MED23: variants seen among roughly 807,000 people sequenced by gnomAD.
The protein encoded by MED23 is mediator complex subunit 23.
In MED23, 105 loss-of-function variants were observed where a neutral mutation model predicts 163.9. The ratio of observed to expected loss-of-function variants is 0.64; its 90% CI spans 0.55 to 0.75. The LOEUF is 0.75. Among genes scored for constraint, MED23 ranks in the 30% least tolerant of loss-of-function variants. The pLI, the probability that MED23 is intolerant of heterozygous loss-of-function variation, is 0.00. For synonymous variants in MED23, 561 were observed against 565.6 expected (o/e 0.99, Z 0.12); for missense variants, 1,054 against 1,649.0 (o/e 0.64, Z 6.25).
At chr6:131,576,102 T>G (rs1336672725) in intron 30 of MED23, among the ~76,000 whole-genome samples, 1 of 152,234 alleles carries the variant, frequency 6.6e-6, no homozygotes, top group Non-Finnish European at 1.5e-5. Context: ...AAGACTCAGC[T>G]TAAACAGCAT....
chr6:131,605,506 A>G (rs1775790506), intron 13 of MED23, 21 bp from the exon 14 acceptor site: 9 of 1,542,694 alleles, frequency 5.8e-6, no homozygotes, highest in Non-Finnish European at 7.8e-6. Flanking sequence ...ACGTTCCATT[A>G]AAAAGAAAAA....
chr6:131,610,435 G>GA (rs1772612469), intron 10 of MED23, among the ~76,000 whole-genome samples, 189 bp from the exon 11 acceptor site: 1 of 152,104 alleles, frequency 6.6e-6, no homozygotes, highest in Non-Finnish European at 1.5e-5. Flanking sequence ...TAAGCTTCAT[G>GA]AAAAAATGTT....
At chr6:131,582,202 G>A (rs181472754), downstream of MED23, among the ~76,000 whole-genome samples, 79 of 152,268 alleles carry the variant, frequency 5.2e-4, no homozygotes, top group African/African-American at 1.8e-3. Context: ...ACGTCCTGGA[G>A]GACAAAGCAG....
At chr6:131,608,179 T>C in intron 11 of MED23, 108 bp from the exon 12 acceptor site, 2 of 1,239,654 alleles carry the variant, frequency 1.6e-6, no homozygotes, top group Admixed American at 1.8e-5. Context: ...ACCTGGTTCT[T>C]GCTCTGAGAA....
intron 17 of MED23, among the ~76,000 whole-genome samples, chr6:131,600,720 A>G (rs367923977): frequency 6.6e-6 from 1 of 151,894 alleles, no homozygotes; most frequent in Non-Finnish European, 1.5e-5. Flanking sequence ...CAAAGATTCA[A>G]TGAGGTCAAA....
chr6:131,626,331 G>T (rs1361584813), intron 3 of MED23, among the ~76,000 whole-genome samples: 1 of 151,688 alleles, frequency 6.6e-6, no homozygotes, highest in African/African-American at 2.4e-5. Flanking sequence ...ATTAGAAAAA[G>T]TAAGAAGAAA....
rs555778082 is a variant in MED23 at position 131,577,445 on chromosome 6, G to T, written c.4096-3150C>A. ...ACATTCAAGTACAAGTCTTTGTGTG[G>T]ATATGTTTTCATTTCTCTTGGGTAA... On this transcript the variant is annotated intron_variant, in intron 30 of 30. Transcript: ENST00000354577. 5.9e-5 allele frequency among the ~76,000 whole-genome samples: 9 copies of T among 152,258 alleles called. No homozygotes were observed. The South Asian group carries it at 1.9e-3, about 32-fold the overall frequency.
At chr6:131,585,744 A>G (rs553324355), downstream of MED23, among the ~76,000 whole-genome samples, 2 of 152,356 alleles carry the variant, frequency 1.3e-5, no homozygotes, top group Admixed American at 1.3e-4. Flanking sequence ...TGATAAACAT[A>G]AAGGCATTTT....
chr6:131,628,181 A>T lies in MED23; in HGVS notation c.-132T>A. On this transcript the variant is annotated 5_prime_UTR_variant, in exon 1 of 29. Coordinates refer to ENST00000368068, the MANE Select transcript of MED23 (RefSeq NM_004830.4). ...GCTCCTCGGCGTCGCTTCCTCCCCC[A>T]GCGCTTTACCTGGAGCGTTCCCTCC... is the stretch of plus-strand genomic sequence containing the variant. 2.8e-6 allele frequency: 3 copies of T among 1,059,194 alleles called. No homozygotes were observed. Among genetic ancestry groups the T allele is most frequent in the Non-Finnish European group, 4.3e-6 (3 of 694,270 alleles). 65.6% of individuals were successfully genotyped at this position (1,059,194 alleles called of 1,614,324 possible).
chr6:131,591,663 T>C, intron 25 of MED23, 136 bp from the exon 26 acceptor site: 5 of 710,260 alleles, frequency 7.0e-6, no homozygotes, highest in Non-Finnish European at 1.2e-5. Context: ...TGGGTGGCTT[T>C]GTAACTGGTC....
chr6:131,628,313 T>C (rs1777673326), upstream of MED23: 10 of 521,402 alleles, frequency 1.9e-5, no homozygotes, highest in Admixed American at 2.2e-4. Context: ...GTTCCGTCTG[T>C]GGAGAAGGGC....
At chr6:131,596,247 G>C (rs940126197) in intron 21 of MED23, 84 bp from the exon 22 acceptor site, 2 of 1,275,414 alleles carry the variant, frequency 1.6e-6, no homozygotes, top group Non-Finnish European at 2.3e-6. Context: ...ACATTGTTTA[G>C]ATTTTTTTTT....
At chr6:131,593,277 A>T (rs1158494244) in intron 23 of MED23, 106 bp from the exon 24 acceptor site, 1 of 1,360,856 alleles carries the variant, frequency 7.3e-7, no homozygotes, top group East Asian at 2.3e-5. Flanking sequence ...AGAGATTAAG[A>T]GGCAAATGCA....
chr6:131,575,888 CTTTG>C (rs66799332), intron 30 of MED23, among the ~76,000 whole-genome samples: 14,755 of 152,158 alleles, frequency 0.097, 929 homozygotes, highest in Non-Finnish European at 0.15. Flanking sequence ...CTGGGTTGGT[CTTTG>C]TTTGTAGTTT....
At chr6:131,606,748 C>T (rs1232366560) in intron 12 of MED23, 124 bp from the exon 13 acceptor site, 22 of 857,844 alleles carry the variant, frequency 2.6e-5, no homozygotes, top group Non-Finnish European at 3.6e-5. Flanking sequence ...ACTTTAGCCC[C>T]GATAATTCAA....
intron 26 of MED23, 76 bp downstream of exon 26, chr6:131,591,237 C>A: frequency 8.4e-7 from 1 of 1,191,956 alleles, no homozygotes; most frequent in South Asian, 1.2e-5. Flanking sequence ...CTCGGCCTCC[C>A]AAAGTGCTGG....
At chr6:131,625,910 C>T (rs910624773) in intron 3 of MED23, among the ~76,000 whole-genome samples, 4 of 151,848 alleles carry the variant, frequency 2.6e-5, no homozygotes, top group South Asian at 2.1e-4. Context: ...ATCATGAGGT[C>T]GGGAGATCGA....
chr6:131,600,113 T>G lies in MED23; in HGVS notation c.2145A>C (p.Ile715=). ...DSIQGTWCKD[I]LQTIMSFTPH... ...GAGTGAAACTCATGATGGTCTGAAG[T>G]ATGTCTTTACACCAAGTTCCCTGAA... Residue 715 remains isoleucine, a synonymous_variant, in exon 18 of 29, where the codon ATA becomes ATC. Transcript: ENST00000368068. The G allele has an allele frequency of 1.2e-6, 2 of 1,613,252 alleles. No homozygotes were observed. Among genetic ancestry groups the G allele is most frequent in the Non-Finnish European group, 1.7e-6 (2 of 1,179,244 alleles).
chr6:131,612,329 C>T (rs1241777784), intron 10 of MED23, among the ~76,000 whole-genome samples: 1 of 151,010 alleles, frequency 6.6e-6, no homozygotes, highest in Admixed American at 6.6e-5. Context: ...ATCTGTGTTG[C>T]TACTTCAGAA....
Sources: allele counts gnomAD v4.1 joint callset (sites outside exome capture counted in the v4.1 genomes callset), GRCh38; gene constraint gnomAD v4.1.1; transcripts MANE v1.5; gene names NCBI Gene and HGNC (gene_info 2026-07-23, HGNC 2026-07-21).